The following PIGU variants were observed in gnomAD, a reference collection of about 807,000 sequenced individuals.
PIGU encodes GPI-anchor transamidase component PIGU.
A neutral mutation model predicts 49.9 loss-of-function variants in PIGU; 24 were observed. The observed-to-expected ratio is 0.48, with a 90% CI of 0.35 to 0.68. PIGU has a LOEUF of 0.68. Among genes scored for constraint, PIGU ranks in the 30% least tolerant of loss-of-function variants. The pLI is 0.01. For missense variants in PIGU, 490 were observed against 532.6 expected (o/e 0.92, Z 0.79); for synonymous variants, 220 against 205.7 (o/e 1.07, Z -0.59).
chr20:34,567,826 TC>T (rs1982839119), intron 11 of PIGU, among the ~76,000 whole-genome samples: 1 of 150,920 alleles, frequency 6.6e-6, no homozygotes, highest in Non-Finnish European at 1.5e-5. Context: ...TCTCTCTCTC[TC>T]TCCCTCCTTC....
At chr20:34,645,172 A>T (rs992530398) in intron 3 of PIGU, 103 bp downstream of exon 3, 8 of 1,275,984 alleles carry the variant, frequency 6.3e-6, no homozygotes, top group African/African-American at 1.6e-5. Flanking sequence ...TGGGCAACAC[A>T]GTGAGACCCC....
At chr20:34,609,688 G>A (rs916028600) in intron 7 of PIGU, among the ~76,000 whole-genome samples, 16 of 152,056 alleles carry the variant, frequency 1.1e-4, no homozygotes, top group African/African-American at 2.9e-4. Flanking sequence ...TAAACAGATG[G>A]TTTTGTTTCC....
Position 34,574,645 on chromosome 20 carries a change from G to A in PIGU, c.1194+459C>T, listed in dbSNP as rs533507454. On this transcript the variant is annotated intron_variant, in intron 11 of 11. Transcript: ENST00000217446. Reference sequence around the variant, plus strand: ...TTTGTTCCTGCTGTCCCGAGAGTCCGCAGAGCCTCTCCTCCCCTTGCCTTG... The same window carrying A: ...TTTGTTCCTGCTGTCCCGAGAGTCCACAGAGCCTCTCCTCCCCTTGCCTTG... Among the ~76,000 whole-genome samples the A allele has an allele frequency of 3.3e-5, 5 of 152,094 alleles. No homozygotes were observed. In the East Asian group the frequency reaches 7.7e-4, roughly 24 times the overall value.
Position 34,560,676 on chromosome 20 carries a change from C to T in PIGU, c.*190G>A. The T allele has an allele frequency of 2.2e-6, 1 of 459,654 alleles. No homozygotes were observed. The highest frequency in any genetic ancestry group is 3.8e-6 in the Non-Finnish European group (1 of 261,370). 28.5% of individuals were successfully genotyped at this position (459,654 alleles called of 1,614,324 possible). A position where few individuals can be genotyped will look rare whatever the true frequency, so the allele number is the denominator to read the frequency against. On this transcript the variant is annotated 3_prime_UTR_variant, in exon 12 of 12. Transcript: ENST00000217446. The stretch of plus-strand genomic sequence containing the variant: ...CAAGGTGGGGGTCCAAGTTGGGGAG[C>T]TCCCAGTTCTTCCCCATAGGCCTTG...
intron 11 of PIGU, among the ~76,000 whole-genome samples, chr20:34,565,834 TCA>T (rs923151561): frequency 2.0e-4 from 14 of 71,718 alleles, no homozygotes; most frequent in Admixed American, 5.9e-4. Context: ...CGCACTGCAC[TCA>T]CACACAGGTG....
intron 8 of PIGU, among the ~76,000 whole-genome samples, chr20:34,587,398 T>C (rs1983740119): frequency 6.6e-6 from 1 of 152,204 alleles, no homozygotes; most frequent in South Asian, 2.1e-4. Context: ...TTATGGGTGA[T>C]TTTATGTGAT....
intron 11 of PIGU, among the ~76,000 whole-genome samples, chr20:34,574,658 T>G (rs1215583411): frequency 6.6e-6 from 1 of 152,090 alleles, no homozygotes; most frequent in Non-Finnish European, 1.5e-5. Flanking sequence ...GAGCCTCTCC[T>G]CCCCTTGCCT....
intron 7 of PIGU, among the ~76,000 whole-genome samples, chr20:34,594,333 A>G (rs530802928): frequency 6.6e-6 from 1 of 152,348 alleles, no homozygotes; most frequent in African/African-American, 2.4e-5. Context: ...TAAGCAATCT[A>G]AATTCCCACA....
intron 1 of PIGU, among the ~76,000 whole-genome samples, chr20:34,666,118 G>A (rs1287532344): frequency 2.0e-5 from 3 of 152,012 alleles, no homozygotes; most frequent in East Asian, 1.9e-4. Context: ...CCCAGAATGC[G>A]GAGGTTGTAG....
intron 2 of PIGU, 50 bp downstream of exon 2, chr20:34,657,130 G>A: frequency 7.2e-7 from 1 of 1,387,016 alleles, no homozygotes; most frequent in Non-Finnish European, 1.0e-6. Context: ...TTTGGTATCT[G>A]TGACTGTAAA....
At chr20:34,615,926 C>A in intron 7 of PIGU, 116 bp downstream of exon 7, 1 of 1,407,364 alleles carries the variant, frequency 7.1e-7, no homozygotes, top group South Asian at 1.7e-5. Flanking sequence ...ATATTTTCAA[C>A]TGGGAGCAAG....
chr20:34,581,737 C>G, intron 9 of PIGU, 65 bp from the exon 10 acceptor site: 1 of 1,563,698 alleles, frequency 6.4e-7, no homozygotes, highest in Non-Finnish European at 8.7e-7. Flanking sequence ...CTAGAGACTC[C>G]TGACTCCATC....
At chr20:34,609,463 C>T (rs1234687736) in intron 7 of PIGU, among the ~76,000 whole-genome samples, 2 of 152,014 alleles carry the variant, frequency 1.3e-5, no homozygotes, top group Non-Finnish European at 2.9e-5. Context: ...CTTCCGCGTT[C>T]AAGCAATTCT....
At chr20:34,599,439 A>AC (rs943319573) in intron 7 of PIGU, among the ~76,000 whole-genome samples, 2 of 151,702 alleles carry the variant, frequency 1.3e-5, no homozygotes. Flanking sequence ...GGCAACAGAG[A>AC]CCCCCGTCTC....
chr20:34,622,587 G>GACTAAGCTTGCACAGTCCGT (rs1985285799), intron 6 of PIGU, among the ~76,000 whole-genome samples: 1 of 152,130 alleles, frequency 6.6e-6, no homozygotes, highest in African/African-American at 2.4e-5. Context: ...TCAGATCACG[G>GACTAAGCTTGCACAGTCCGT]AGGGCTAAGC....
chr20:34,601,245 A>G (rs1295800764), intron 7 of PIGU, among the ~76,000 whole-genome samples: 2 of 152,180 alleles, frequency 1.3e-5, no homozygotes, highest in Non-Finnish European at 2.9e-5. Flanking sequence ...CAAGATGTGC[A>G]ATAAATTTTA....
chr20:34,632,259 A>T lies in PIGU; in HGVS notation c.529+2356T>A, dbSNP rs147321612. On this transcript the variant is annotated intron_variant, in intron 6 of 11. Transcript: ENST00000217446. ...GCAATGCCTTCAAAATTCTAAAGGA[A>T]AAGTTATTCGAGTCTAAAATTCTTA... Among the ~76,000 whole-genome samples, 662 of 152,296 alleles carry T rather than the reference A, an allele frequency of 4.3e-3. 4 individuals are homozygous for T. Among genetic ancestry groups the T allele is most frequent in the African/African-American group, 0.015 (627 of 41,568 alleles).
chr20:34,562,814 G>A (rs956076062), intron 11 of PIGU, among the ~76,000 whole-genome samples: 5 of 152,204 alleles, frequency 3.3e-5, no homozygotes, highest in Admixed American at 3.3e-4. Context: ...CTGGCCCACT[G>A]GGGGGCAGTG....
At chr20:34,662,103 C>T (rs1000010683) in intron 1 of PIGU, among the ~76,000 whole-genome samples, 1 of 152,146 alleles carries the variant, frequency 6.6e-6, no homozygotes, top group African/African-American at 2.4e-5. Flanking sequence ...GACAGGTTCT[C>T]GCTCTATTGC....
Sources: gnomAD v4.1 joint callset for allele counts (sites outside exome capture counted in the v4.1 genomes callset) on GRCh38, gnomAD v4.1.1 for gene constraint, MANE v1.5 for transcripts, NCBI Gene and HGNC (gene_info 2026-07-23, HGNC 2026-07-21) for gene names.